The following UGGT2 variants were observed in gnomAD, a reference collection of about 807,000 sequenced individuals.
UGGT2 encodes UDP-glucose glycoprotein glucosyltransferase 2, also known as UDP-glucose:glycoprotein glucosyltransferase 2.
A neutral mutation model predicts 192.1 loss-of-function variants in UGGT2; 180 were observed. The observed-to-expected ratio is 0.94, with a 90% CI of 0.83 to 1.06. UGGT2 has a LOEUF of 1.06. Ranked by LOEUF, UGGT2 falls within the 50% of genes least tolerant of loss-of-function variation. The probability of loss-of-function intolerance (pLI) is 0.00; values close to 1 mark genes in which losing one functional copy is unlikely to be tolerated. For missense variants in UGGT2, 1,849 were observed against 1,795.7 expected (o/e 1.03, Z -0.54); for synonymous variants, 580 against 591.0 (o/e 0.98, Z 0.27).
chr13:96,017,342 A>G (rs764327930), intron 4 of UGGT2, among the ~76,000 whole-genome samples: 3 of 152,172 alleles, frequency 2.0e-5, no homozygotes, highest in Non-Finnish European at 4.4e-5. Context: ...GTTGAAATGC[A>G]ATTCCCAGGG....
intron 36 of UGGT2, among the ~76,000 whole-genome samples, chr13:95,844,859 T>G (rs1888235279): frequency 6.6e-6 from 1 of 152,206 alleles, no homozygotes. Flanking sequence ...ATATCCTTGC[T>G]GTGTTTCTGA....
chr13:95,897,958 C>T (rs1268646246), intron 22 of UGGT2, among the ~76,000 whole-genome samples: 1 of 152,076 alleles, frequency 6.6e-6, no homozygotes, highest in African/African-American at 2.4e-5. Flanking sequence ...TCCTGACAAC[C>T]TCACTCATCC....
chr13:95,914,996 A>G (rs962897769), intron 20 of UGGT2, among the ~76,000 whole-genome samples: 2 of 152,196 alleles, frequency 1.3e-5, no homozygotes, highest in African/African-American at 2.4e-5. Flanking sequence ...CTATGGGTCA[A>G]TGATTAAAAT....
intron 2 of UGGT2, among the ~76,000 whole-genome samples, chr13:96,026,427 T>C (rs2052666258): frequency 6.6e-6 from 1 of 152,152 alleles, no homozygotes; most frequent in East Asian, 1.9e-4. Flanking sequence ...TTGGTATAAT[T>C]GTTTAATTTG....
intron 37 of UGGT2, among the ~76,000 whole-genome samples, 155 bp downstream of exon 37, chr13:95,836,931 C>G (rs1447858070): frequency 6.6e-6 from 1 of 152,192 alleles, no homozygotes; most frequent in Non-Finnish European, 1.5e-5. Flanking sequence ...CCAAAATAAC[C>G]CTATACTTGC....
At chr13:95,944,922 T>C (rs144906562) in intron 15 of UGGT2, among the ~76,000 whole-genome samples, 237 of 152,118 alleles carry the variant, frequency 1.6e-3, no homozygotes, top group African/African-American at 5.5e-3. Context: ...ATAGTGAAAC[T>C]GTCCATTTAT....
At position 95,884,676 on chromosome 13, in the gene UGGT2, A is replaced by G; in HGVS notation, c.3043T>C (p.Tyr1015His). 3 of 1,601,394 alleles carry G rather than the reference A, an allele frequency of 1.9e-6. No individual in the cohort carries two copies. The South Asian group carries it at 3.4e-5, about 18-fold the overall frequency. ...AGTTCTGGTTCCAGAACAAAACGGT[A>G]AAAGCTGTTAATAAAACATAAAAAT... ...RLSEAPLESF[Y>H]RFVLEPELMS... Residue 1015 changes from tyrosine (Y) to histidine (H), a missense_variant, in exon 27 of 39, where the codon TAC becomes CAC. Transcript: ENST00000376747.
chr13:95,985,421 T>C (rs2051260291), intron 9 of UGGT2: 2 of 360,748 alleles, frequency 5.5e-6, no homozygotes, highest in Admixed American at 8.4e-5. Context: ...GTACTATTTA[T>C]TTACTTTCAA....
chr13:95,987,244 C>A (rs1302670549), intron 8 of UGGT2, among the ~76,000 whole-genome samples: 1 of 152,118 alleles, frequency 6.6e-6, no homozygotes, highest in Non-Finnish European at 1.5e-5. Flanking sequence ...TCTCTCTACT[C>A]AGGCTCAAGC....
intron 38 of UGGT2, among the ~76,000 whole-genome samples, chr13:95,820,450 T>C (rs1025512179): frequency 1.3e-5 from 2 of 152,006 alleles, no homozygotes; most frequent in South Asian, 2.1e-4. Context: ...TTGGTAACAA[T>C]AGAAAAATAA....
rs1186324205 is a variant in UGGT2 at position 95,894,677 on chromosome 13, A to G, written c.2760-20T>C. The G allele has an allele frequency of 1.3e-6, 2 of 1,586,826 alleles. No individual in the cohort carries two copies. The highest frequency in any genetic ancestry group is 1.7e-6 in the Non-Finnish European group (2 of 1,163,284). The stretch of plus-strand genomic sequence containing the variant: ...CTCATGCTAGATAAACAAGACAAAC[A>G]GTGTATGAGTTTTTTGGAAAGAGTT... On this transcript the variant is annotated intron_variant, in intron 23 of 38. Coordinates refer to ENST00000376747, the MANE Select transcript of UGGT2 (RefSeq NM_020121.4).
chr13:96,036,377 T>G (rs1350376677), intron 1 of UGGT2, among the ~76,000 whole-genome samples: 1 of 151,992 alleles, frequency 6.6e-6, no homozygotes, highest in Non-Finnish European at 1.5e-5. Context: ...CACATGGGGG[T>G]AACGACACAC....
At chr13:96,050,630 A>G (rs1247441753) in intron 1 of UGGT2, among the ~76,000 whole-genome samples, 1 of 152,252 alleles carries the variant, frequency 6.6e-6, no homozygotes, top group Non-Finnish European at 1.5e-5. Flanking sequence ...AAACAAATTT[A>G]CAAGAAAAAA....
At chr13:95,878,489 G>C (rs906442241) in intron 27 of UGGT2, among the ~76,000 whole-genome samples, 1 of 152,050 alleles carries the variant, frequency 6.6e-6, no homozygotes, top group African/African-American at 2.4e-5. Flanking sequence ...ACATGTCTCT[G>C]TCTCTATAAA....
intron 36 of UGGT2, among the ~76,000 whole-genome samples, chr13:95,851,249 C>G (rs957830261): frequency 6.6e-6 from 1 of 152,268 alleles, no homozygotes. Flanking sequence ...GAGTTCTTGA[C>G]TTTTTAATTT....
rs148108950 is a variant in UGGT2, at chr13:96,013,443, G to A, written c.524C>T (p.Pro175Leu). 2.7e-3 allele frequency: 4,239 copies of A among 1,599,536 alleles called. 38 individuals are homozygous for A. The highest frequency in any genetic ancestry group is 2.1e-3 in the Non-Finnish European group (2,514 of 1,175,234). ...PYLFKGDHKF[P>L]TNKENLPVVI... is the part of the protein sequence containing the mutation. ...CACTGGTAAGTTCTCTTTGTTTGTAGGAAATTTGTGATCTCCTTTAAATAG... is the reference window on the plus strand; with the variant it reads ...CACTGGTAAGTTCTCTTTGTTTGTAAGAAATTTGTGATCTCCTTTAAATAG... The change falls in exon 5 of 39, where the codon CCT becomes CTT. Residue 175 changes from proline to leucine, a missense_variant. Physicochemically the swap from Pro to Leu is moderately conservative, Grantham distance 98. Transcript: ENST00000376747.
intron 17 of UGGT2, 34 bp downstream of exon 17, chr13:95,936,890 T>C: frequency 6.9e-7 from 1 of 1,440,082 alleles, no homozygotes; most frequent in Non-Finnish European, 9.2e-7. Context: ...TTTATAAATA[T>C]TCATCATGTA....
intron 20 of UGGT2, among the ~76,000 whole-genome samples, chr13:95,911,332 T>C (rs9561979): frequency 0.35 from 53,803 of 151,850 alleles, 10,318 homozygotes; most frequent in East Asian, 0.47. Context: ...ATTGATAGAC[T>C]GCTAGCAAGA....
chr13:95,871,495 G>A (rs1891219427), intron 29 of UGGT2, among the ~76,000 whole-genome samples: 1 of 151,450 alleles, frequency 6.6e-6, no homozygotes, highest in Non-Finnish European at 1.5e-5. Context: ...ACACTTTAAG[G>A]AGAAGACACT....
Sources: gnomAD v4.1 joint callset for allele counts (sites outside exome capture counted in the v4.1 genomes callset) on GRCh38, gnomAD v4.1.1 for gene constraint, MANE v1.5 for transcripts, NCBI Gene and HGNC (gene_info 2026-07-23, HGNC 2026-07-21) for gene names.